Variants in DIAPH3 observed in about 807,000 individuals in gnomAD.
DIAPH3 encodes diaphanous related formin 3, also known as protein diaphanous homolog 3.
Under a neutral mutation model 144.3 loss-of-function variants are expected in DIAPH3, and 117 were observed. The ratio of observed to expected loss-of-function variants is 0.81; its 90% CI spans 0.70 to 0.95. The LOEUF (loss-of-function observed/expected upper bound fraction) is 0.95, where lower values mean the gene tolerates loss of function less well. DIAPH3 is among the 40% of genes least tolerant of loss of function. DIAPH3 has a pLI of 0.00. For missense variants in DIAPH3, 1,421 were observed against 1,412.7 expected, an observed-to-expected ratio of 1.01 and a Z score of -0.09; for synonymous variants, 519 against 488.9, an observed-to-expected ratio of 1.06 and a Z score of -0.81.
intron 27 of DIAPH3, among the ~76,000 whole-genome samples, chr13:59,678,571 T>C (rs915957823): frequency 2.0e-5 from 3 of 152,186 alleles, no homozygotes; most frequent in African/African-American, 7.2e-5. Context: ...GCTAGATCTG[T>C]GAAAAAAAAT....
chr13:60,078,777 C>T (rs1322203295), intron 4 of DIAPH3, among the ~76,000 whole-genome samples: 4 of 151,604 alleles, frequency 2.6e-5, no homozygotes, highest in Non-Finnish European at 5.9e-5. Context: ...GAGGTATAGA[C>T]AAATACATAT....
At chr13:60,064,991 G>A (rs1005991602) in intron 4 of DIAPH3, among the ~76,000 whole-genome samples, 10 of 152,150 alleles carry the variant, frequency 6.6e-5, no homozygotes, top group Non-Finnish European at 1.5e-4. Context: ...GGTCAATGGA[G>A]CAGTCACAAC....
rs547529626 is a variant in DIAPH3, at chr13:59,676,907, T to C, written c.3320-10061A>G. ...ATAATTTTATGTATGACTATATACA[T>C]AGAAATGTTCCTTTACTTCTCCCTG... On this transcript the variant is annotated intron_variant, in intron 27 of 27. Coordinates refer to ENST00000400324, the MANE Select transcript of DIAPH3 (RefSeq NM_001042517.2). Among the ~76,000 whole-genome samples, 67 of 152,314 alleles carry C rather than the reference T, an allele frequency of 4.4e-4. 1 individual carries two copies. The highest frequency in any genetic ancestry group is 2.5e-3 in the Admixed American group (39 of 15,296).
chr13:59,904,654 A>C (rs2046632737), intron 20 of DIAPH3, among the ~76,000 whole-genome samples: 1 of 152,176 alleles, frequency 6.6e-6, no homozygotes, highest in Non-Finnish European at 1.5e-5. Context: ...CTAAAAAAAA[A>C]TCACATCTCT....
chr13:59,702,018 C>G (rs2034137491), intron 27 of DIAPH3, among the ~76,000 whole-genome samples: 1 of 152,216 alleles, frequency 6.6e-6, no homozygotes, highest in Admixed American at 6.5e-5. Flanking sequence ...ATTCCTTAAA[C>G]TTCTCAACCT....
At chr13:60,047,540 A>G (rs201175033) in intron 4 of DIAPH3, among the ~76,000 whole-genome samples, 1 of 152,192 alleles carries the variant, frequency 6.6e-6, no homozygotes, top group Non-Finnish European at 1.5e-5. Flanking sequence ...GATTTTCACG[A>G]AAGTTGTCAA....
intron 2 of DIAPH3, among the ~76,000 whole-genome samples, chr13:60,119,662 G>A (rs1254204303): frequency 6.8e-6 from 1 of 147,452 alleles, no homozygotes; most frequent in Non-Finnish European, 1.5e-5. Flanking sequence ...TAGGAGAATG[G>A]CGTGAACCCG....
chr13:59,998,979 G>A (rs1163314977), intron 9 of DIAPH3, among the ~76,000 whole-genome samples: 1 of 151,904 alleles, frequency 6.6e-6, no homozygotes, highest in East Asian at 1.9e-4. Flanking sequence ...ATTATTTGAT[G>A]GAACAGAAGA....
At chr13:59,912,426 A>G (rs1335465248) in intron 19 of DIAPH3, among the ~76,000 whole-genome samples, 1 of 152,174 alleles carries the variant, frequency 6.6e-6, no homozygotes, top group Non-Finnish European at 1.5e-5. Flanking sequence ...TTGAAGACAC[A>G]TGATGATTGA....
In DIAPH3 at chr13:59,676,596, GTTT is replaced by G. The variant is rs2032656478; in HGVS notation, c.3320-9753_3320-9751del. On this transcript the variant is annotated intron_variant, in intron 27 of 27. Coordinates refer to ENST00000400324, the MANE Select transcript of DIAPH3 (RefSeq NM_001042517.2). ...TTTAGCCCACCATGCCAGGTGCTAA[GTTT>G]TTGAAACATTTAAGATCCTGTCATT... Among the ~76,000 whole-genome samples the G allele has an allele frequency of 3.3e-5, 5 of 152,284 alleles. No individual in the cohort carries two copies. In the South Asian group the frequency reaches 1.0e-3, roughly 32 times the overall value.
intron 19 of DIAPH3, among the ~76,000 whole-genome samples, chr13:59,913,965 AC>A (rs2047114118): frequency 6.6e-6 from 1 of 152,146 alleles, no homozygotes. Context: ...CAAAAAAAAA[AC>A]AAAAGTAATA....
intron 25 of DIAPH3, among the ~76,000 whole-genome samples, chr13:59,783,119 A>G (rs916780834): frequency 6.6e-6 from 1 of 152,188 alleles, no homozygotes; most frequent in Non-Finnish European, 1.5e-5. Flanking sequence ...AAACAAACAA[A>G]CAAAAAACAA....
chr13:59,864,954 G>C (rs2043828233), intron 21 of DIAPH3, among the ~76,000 whole-genome samples: 1 of 151,954 alleles, frequency 6.6e-6, no homozygotes, highest in South Asian at 2.1e-4. Flanking sequence ...AAATAAATTT[G>C]AAACTAAGCC....
Position 59,707,994 on chromosome 13 carries a change from A to C in DIAPH3, c.3320-41148T>G, listed in dbSNP as rs77395134. Among the ~76,000 whole-genome samples, 1,259 of 152,082 alleles carry C rather than the reference A, an allele frequency of 8.3e-3. 21 individuals are homozygous for C. The highest frequency in any genetic ancestry group is 0.029 in the African/African-American group (1,188 of 41,530). On this transcript the variant is annotated intron_variant, in intron 27 of 27. Coordinates refer to ENST00000400324, the MANE Select transcript of DIAPH3 (RefSeq NM_001042517.2). ...CTATTTCTCTCATCTTTAAAAAAAA[A>C]AAAACAAAAAACCCTTCCCTTGATC...
At chr13:60,045,269 G>A (rs1327518496) in intron 4 of DIAPH3, among the ~76,000 whole-genome samples, 2 of 151,976 alleles carry the variant, frequency 1.3e-5, no homozygotes, top group East Asian at 3.9e-4. Context: ...GAACCCGGGA[G>A]GTGAAGGTTG....
intron 4 of DIAPH3, among the ~76,000 whole-genome samples, chr13:60,076,664 C>G (rs2057392249): frequency 6.6e-6 from 1 of 152,034 alleles, no homozygotes; most frequent in Non-Finnish European, 1.5e-5. Flanking sequence ...ATGTCTTATA[C>G]TTTCTAAATT....
intron 27 of DIAPH3, among the ~76,000 whole-genome samples, chr13:59,711,606 A>G (rs1284163382): frequency 6.6e-6 from 1 of 152,160 alleles, no homozygotes; most frequent in Non-Finnish European, 1.5e-5. Flanking sequence ...AAGTAAACTA[A>G]GTCTTTTACT....
intron 27 of DIAPH3, among the ~76,000 whole-genome samples, chr13:59,707,486 G>A (rs1566202527): frequency 6.6e-6 from 1 of 152,062 alleles, no homozygotes; most frequent in Non-Finnish European, 1.5e-5. Flanking sequence ...GTTAAAATTG[G>A]GTGAACATAT....
At chr13:59,851,692 G>A (rs1036547152) in intron 22 of DIAPH3, among the ~76,000 whole-genome samples, 7 of 144,734 alleles carry the variant, frequency 4.8e-5, no homozygotes, top group Admixed American at 1.4e-4. Context: ...AGGTTGGAGC[G>A]CAATGGCGCA....
Sources: gnomAD v4.1 joint callset for allele counts (sites outside exome capture counted in the v4.1 genomes callset) on GRCh38, gnomAD v4.1.1 for gene constraint, MANE v1.5 for transcripts, NCBI Gene and HGNC (gene_info 2026-07-23, HGNC 2026-07-21) for gene names.